MRPL4: variants seen among roughly 807,000 people sequenced by gnomAD.
The protein encoded by MRPL4 is large ribosomal subunit protein uL4m.
MRPL4 carries 34 observed loss-of-function variants against 34.1 expected under a neutral mutation model. The observed-to-expected ratio is 1.00, with a 90% CI of 0.76 to 1.33. MRPL4 has a LOEUF of 1.33. MRPL4 is among the 40% of genes most tolerant of loss of function. The pLI is 0.00. For missense variants in MRPL4, 402 were observed against 434.6 expected, an observed-to-expected ratio of 0.92 and a Z score of 0.67; for synonymous variants, 196 against 188.3, an observed-to-expected ratio of 1.04 and a Z score of -0.33.
At chr19:10,253,773 C>T (rs1000224272) in intron 3 of MRPL4, among the ~76,000 whole-genome samples, 9 of 145,380 alleles carry the variant, frequency 6.2e-5, no homozygotes, top group Non-Finnish European at 1.3e-4. Flanking sequence ...GCCTGGGCGA[C>T]AGAGACAGAC....
At chr19:10,253,006 T>A (rs966186347) in intron 3 of MRPL4, 2 of 382,660 alleles carry the variant, frequency 5.2e-6, no homozygotes, top group African/African-American at 2.0e-5. Context: ...GTCGGGAGGT[T>A]GCTGTGATGA....
At position 10,259,628 on chromosome 19, in the gene MRPL4, C is replaced by T. The variant is rs1353528013; in HGVS notation, c.751C>T (p.His251Tyr). The change falls in exon 9 of 9, where the codon CAC becomes TAC. Residue 251 changes from histidine (H) to tyrosine (Y), a missense_variant. His to Tyr is a moderately conservative substitution (Grantham distance 83). Coordinates refer to ENST00000253099, the MANE Select transcript of MRPL4 (RefSeq NM_015956.3). ...NLIPAVGLNV[H>Y]SMLKHQTLVL... ...CACCCCGCCCCCAGGCCTAAATGTG[C>T]ACAGCATGCTCAAGCACCAGACGCT... is the stretch of plus-strand genomic sequence containing the variant. 3.0e-6 allele frequency: 4 copies of T among 1,347,796 alleles called. No individual in the cohort carries two copies. Among genetic ancestry groups the T allele is most frequent in the East Asian group, 4.1e-5 (1 of 24,400 alleles). The allele number at this position is 1,347,796 out of a possible 1,614,324, so 83.5% of individuals were successfully genotyped here.
chr19:10,259,043 G>T, intron 8 of MRPL4: 1 of 1,370,340 alleles, frequency 7.3e-7, no homozygotes, highest in Non-Finnish European at 9.3e-7. Context: ...AGGCTGCAGT[G>T]AGTCATGATC....
Position 10,252,571 on chromosome 19 carries a change from C to A in MRPL4, c.145C>A (p.Arg49Ser), listed in dbSNP as rs2039803681. Residue 49 changes from arginine to serine, a missense_variant, in exon 3 of 9, where the codon CGC becomes AGC. Physicochemically the swap from Arg to Ser is moderately radical, Grantham distance 110. Coordinates refer to ENST00000253099, the MANE Select transcript of MRPL4 (RefSeq NM_015956.3). ...ASEGLPEPVL[R>S]KVELPVPTHR... is the part of the protein sequence containing the mutation. ...TCCAGGTCTCCCGGAGCCCGTGCTGCGCAAAGTCGAGCTCCCGGTACCCAC... is the reference window on the plus strand; with the variant it reads ...TCCAGGTCTCCCGGAGCCCGTGCTGAGCAAAGTCGAGCTCCCGGTACCCAC... The A allele has an allele frequency of 6.2e-7, 1 of 1,613,058 alleles. No homozygotes were observed. Among genetic ancestry groups the A allele is most frequent in the Non-Finnish European group, 8.5e-7 (1 of 1,179,640 alleles).
At position 10,254,584 on chromosome 19, in the gene MRPL4, CG is replaced by C. The variant is rs754642782; in HGVS notation, c.276-4del. ...GGGCTTCTCATGTGTCCTTCCTCCC[CG>C]CAGGCTGGACATACTGCACCAGGTT... On this transcript the variant is annotated splice_polypyrimidine_tract_variant and splice_region_variant and intron_variant, in intron 3 of 8. Coordinates refer to ENST00000253099, the MANE Select transcript of MRPL4 (RefSeq NM_015956.3). 6.8e-6 allele frequency: 11 copies of C among 1,613,294 alleles called. No homozygotes were observed. The Admixed American group carries it at 1.7e-4, about 24-fold the overall frequency.
In MRPL4 at chr19:10,258,318, A is replaced by G. The variant is rs767939698; in HGVS notation, c.542A>G (p.Lys181Arg). ...GGTCTCAAAGTGGCACTGACCGTCAAGCTGGCCCAGGTACAGCCATGGGGG... is the reference window on the plus strand; with the variant it reads ...GGTCTCAAAGTGGCACTGACCGTCAGGCTGGCCCAGGTACAGCCATGGGGG... ...ALGLKVALTV[K>R]LAQDDLHIMD... The change falls in exon 6 of 9, where the codon AAG becomes AGG. Residue 181 changes from lysine (K) to arginine (R), a missense_variant. Lys to Arg is a conservative substitution (Grantham distance 26). Transcript: ENST00000253099. 3.1e-6 allele frequency: 5 copies of G among 1,614,098 alleles called. No individual in the cohort carries two copies. Among genetic ancestry groups the G allele is most frequent in the South Asian group, 2.2e-5 (2 of 91,078 alleles).
At chr19:10,256,446 C>CAA (rs796638158) in intron 4 of MRPL4, among the ~76,000 whole-genome samples, 2 of 146,772 alleles carry the variant, frequency 1.4e-5, no homozygotes, top group African/African-American at 5.0e-5. Flanking sequence ...GAGACTGCCT[C>CAA]AAAAAAAAAA....
At chr19:10,259,285 GCCCTGCACGATGTGCCCCGTCACCT>G in intron 8 of MRPL4, 1 of 1,377,474 alleles carries the variant, frequency 7.3e-7, no homozygotes, top group Non-Finnish European at 9.3e-7. Context: ...GGCACGTCAG[GCCCTGCACGATGTGCCCCGTCACCT>G]CCCTGCCCTC....
Position 10,252,259 on chromosome 19 carries a change from G to A in MRPL4, c.6G>A (p.Leu2=), listed in dbSNP as rs1490737800. 1 of 1,606,490 alleles carries A rather than the reference G, an allele frequency of 6.2e-7. No individual in the cohort carries two copies. The highest frequency in any genetic ancestry group is 8.5e-7 in the Non-Finnish European group (1 of 1,177,228). M[L]QFVRAGARAW... ...GCGTGGGAGGCTGCGCGGCGATGCT[G>A]CAGTTCGTCCGGGCCGGGGCGCGGG... Residue 2 remains leucine (L), a synonymous_variant, in exon 1 of 9, where the codon CTG becomes CTA. Coordinates refer to ENST00000253099, the MANE Select transcript of MRPL4 (RefSeq NM_015956.3).
Position 10,259,673 on chromosome 19 carries a change from G to A in MRPL4, c.796G>A (p.Val266Ile), listed in dbSNP as rs563136480. Residue 266 changes from valine (V) to isoleucine (I), a missense_variant, in exon 9 of 9, where the codon GTC becomes ATC. Transcript: ENST00000253099. ...HQTLVLTLPT[V>I]AFLEDKLLWQ... ...GACGCTGGTCCTGACGCTGCCCACC[G>A]TCGCCTTCCTGGAGGACAAGCTGCT... is the stretch of plus-strand genomic sequence containing the variant. 55 of 1,458,320 alleles carry A rather than the reference G, an allele frequency of 3.8e-5. No individual in the cohort carries two copies. In the East Asian group the frequency reaches 8.9e-4, roughly 24 times the overall value. 90.3% of individuals were successfully genotyped at this position (1,458,320 alleles called of 1,614,324 possible). A position where few individuals can be genotyped will look rare whatever the true frequency, so the allele number is the denominator to read the frequency against.
chr19:10,259,279 C>A, intron 8 of MRPL4: 1 of 1,363,314 alleles, frequency 7.3e-7, no homozygotes, highest in South Asian at 1.9e-5. Flanking sequence ...CAGGGTGGCA[C>A]GTCAGGCCCT....
At position 10,252,308 on chromosome 19, in the gene MRPL4, C is replaced by T. The variant is rs766125517; in HGVS notation, c.55C>T (p.Gln19Ter). 13 of 1,609,982 alleles carry T rather than the reference C, an allele frequency of 8.1e-6. No homozygotes were observed. In the South Asian group the frequency reaches 1.4e-4, roughly 18 times the overall value. The change falls in exon 1 of 9, where the codon CAG becomes TAG. Residue 19 changes from glutamine to a stop codon, truncating the protein, a stop_gained and splice_region_variant. Coordinates refer to ENST00000253099, the MANE Select transcript of MRPL4 (RefSeq NM_015956.3). LOFTEE classifies it high-confidence loss of function. ...ARAWLRPTGS[Q>*]GLSSLAEEAA... The stretch of plus-strand genomic sequence containing the variant: ...GGCCTGGCTTCGGCCTACCGGCAGC[C>T]AGGTGAGGCCAGGGGCTGGAGGCGT...
chr19:10,258,606 C>A lies in MRPL4; in HGVS notation c.663-3C>A, dbSNP rs763047872. 19 of 1,614,174 alleles carry A rather than the reference C, an allele frequency of 1.2e-5. No homozygotes were observed. In the East Asian group the frequency reaches 4.0e-4, roughly 34 times the overall value. On this transcript the variant is annotated splice_polypyrimidine_tract_variant and splice_region_variant and intron_variant, in intron 7 of 8. Coordinates refer to ENST00000253099, the MANE Select transcript of MRPL4 (RefSeq NM_015956.3). ...AACCCCCACTCCCTGGCCTCTCTTA[C>A]AGAACACACGAGGAGATGCCACAGA... is the stretch of plus-strand genomic sequence containing the variant.
At chr19:10,259,130 CAA>C (rs758219906) in intron 8 of MRPL4, 24 of 443,792 alleles carry the variant, frequency 5.4e-5, no homozygotes, top group African/African-American at 3.7e-4. Flanking sequence ...AAAAAAGCTC[CAA>C]AGTCACCTCT....
At position 10,252,652 on chromosome 19, in the gene MRPL4, C is replaced by A; in HGVS notation, c.226C>A (p.Arg76Ser). The stretch of plus-strand genomic sequence containing the variant: ...GTCCTTGCGGGGCTTCGAGCAGGAG[C>A]GCGTGGGCCTGGCCGACCTGCACCC... ...VESLRGFEQE[R>S]VGLADLHPDV... The change falls in exon 3 of 9, where the codon CGC becomes AGC. Residue 76 changes from arginine to serine, a missense_variant. Physicochemically the swap from Arg to Ser is moderately radical, Grantham distance 110 (BLOSUM62 -1). Transcript: ENST00000253099. 2 of 1,608,798 alleles carry A rather than the reference C, an allele frequency of 1.2e-6. No homozygotes were observed. Among genetic ancestry groups the A allele is most frequent in the East Asian group, 4.5e-5 (2 of 44,880 alleles).
At position 10,258,410 on chromosome 19, in the gene MRPL4, C is replaced by T. The variant is rs17000211; in HGVS notation, c.553-3C>T. The T allele has an allele frequency of 0.19, 306,927 of 1,613,724 alleles. 31,142 individuals are homozygous for T. The highest frequency in any genetic ancestry group is 0.28 in the African/African-American group (21,060 of 74,910). On this transcript the variant is annotated splice_polypyrimidine_tract_variant and splice_region_variant and intron_variant, in intron 6 of 8. Coordinates refer to ENST00000253099, the MANE Select transcript of MRPL4 (RefSeq NM_015956.3). ...GGTTCAAACCATCCTTTCCTTCCAC[C>T]AGGACGACCTGCACATCATGGACTC...
chr19:10,259,407 G>A, intron 8 of MRPL4: 1 of 1,408,294 alleles, frequency 7.1e-7, no homozygotes, highest in Non-Finnish European at 9.2e-7. Context: ...TCGGTCAGCA[G>A]GTGATGAGCT....
chr19:10,256,769 A>G lies in MRPL4; in HGVS notation c.389A>G (p.Gln130Arg). The change falls in exon 5 of 9, where the codon CAG (glutamine) becomes CGG (arginine). Residue 130 changes from glutamine to arginine, a missense_variant. Transcript: ENST00000253099. Reference sequence around the variant, plus strand: ...GGCGGTGGCCGGAAGCCTTGGCCGCAGAAAGGCACTGGGCGGGCCCGGCAT... The same window carrying G: ...GGCGGTGGCCGGAAGCCTTGGCCGCGGAAAGGCACTGGGCGGGCCCGGCAT... The part of the protein sequence containing the change: ...VRGGGRKPWP[Q>R]KGTGRARHGS... The G allele has an allele frequency of 1.3e-6, 2 of 1,587,552 alleles. No individual in the cohort carries two copies. The highest frequency in any genetic ancestry group is 1.7e-6 in the Non-Finnish European group (2 of 1,166,074).
Position 10,252,309 on chromosome 19 carries a change from A to C in MRPL4, c.56A>C (p.Gln19Pro). Residue 19 changes from glutamine to proline, a missense_variant and splice_region_variant, in exon 1 of 9, where the codon CAG becomes CCG. Gln to Pro is a moderately conservative substitution (Grantham distance 76). Transcript: ENST00000253099. ...GCCTGGCTTCGGCCTACCGGCAGCCAGGTGAGGCCAGGGGCTGGAGGCGTG... is the reference window on the plus strand; with the variant it reads ...GCCTGGCTTCGGCCTACCGGCAGCCCGGTGAGGCCAGGGGCTGGAGGCGTG... ...ARAWLRPTGSQGLSSLAEEAA... is the reference protein window; with the variant it reads ...ARAWLRPTGSPGLSSLAEEAA... 17 of 1,610,034 alleles carry C rather than the reference A, an allele frequency of 1.1e-5. No homozygotes were observed. Among genetic ancestry groups the C allele is most frequent in the Non-Finnish European group, 1.4e-5 (17 of 1,177,982 alleles).
Sources: gnomAD v4.1 joint callset for allele counts (sites outside exome capture counted in the v4.1 genomes callset) on GRCh38, gnomAD v4.1.1 for gene constraint, MANE v1.5 for transcripts, NCBI Gene and HGNC (gene_info 2026-07-23, HGNC 2026-07-21) for gene names.